Variants in IGFL1 observed in about 807,000 individuals in gnomAD.
The protein encoded by IGFL1 is IGF like family member 1.
A neutral mutation model predicts 16.0 loss-of-function variants in IGFL1; 16 were observed. The ratio of observed to expected loss-of-function variants is 1.00; its 90% CI spans 0.68 to 1.52. The LOEUF (loss-of-function observed/expected upper bound fraction) is 1.52. Ranked by LOEUF, IGFL1 falls within the 40% of genes most tolerant of loss-of-function variation. The pLI is 0.00. For missense variants in IGFL1, 149 were observed against 141.7 expected (o/e 1.05, Z -0.26); for synonymous variants, 59 against 54.0 (o/e 1.09, Z -0.41).
chr19:46,230,163 T>A lies in IGFL1; in HGVS notation c.79+2T>A, dbSNP rs1403845250. The A allele has an allele frequency of 3.7e-6, 6 of 1,613,900 alleles. No individual in the cohort carries two copies. Among genetic ancestry groups the A allele is most frequent in the Middle Eastern group, 1.7e-4 (1 of 6,050 alleles). ...TCCTCTGCTCACACGGAGCCCCAGG[T>A]GAGCCCAGGAGTGTTTGGGAAGCTG... On this transcript the variant is annotated splice_donor_variant, in intron 2 of 3. Coordinates refer to ENST00000437936, the MANE Select transcript of IGFL1 (RefSeq NM_198541.2). LOFTEE classifies it high-confidence loss of function.
rs781191711 is a variant in IGFL1, at chr19:46,230,167, C to T, written c.79+6C>T. The T allele has an allele frequency of 2.5e-6, 4 of 1,613,944 alleles. No individual in the cohort carries two copies. The South Asian group carries it at 4.4e-5, about 18-fold the overall frequency. ...CTGCTCACACGGAGCCCCAGGTGAG[C>T]CCAGGAGTGTTTGGGAAGCTGGAGG... On this transcript the variant is annotated splice_donor_region_variant and intron_variant, in intron 2 of 3. Transcript: ENST00000437936.
rs201091324 is a variant in IGFL1, at chr19:46,230,490, G to A, written c.296G>A (p.Arg99Gln). ...KLINQNCDSA[R>Q]TSDDRLCRSV... Reference sequence around the variant, plus strand: ...ATAAACCAGAACTGCGACTCAGCCCGGACCTCGGATGACAGGCTTTGTCGC... The same window carrying A: ...ATAAACCAGAACTGCGACTCAGCCCAGACCTCGGATGACAGGCTTTGTCGC... Residue 99 changes from arginine to glutamine, a missense_variant, in exon 3 of 4, where the codon CGG becomes CAG. Transcript: ENST00000437936. 5.3e-5 allele frequency: 85 copies of A among 1,613,824 alleles called. No individual in the cohort carries two copies. The highest frequency in any genetic ancestry group is 2.5e-4 in the African/African-American group (19 of 74,910).
chr19:46,230,807 G>A lies in IGFL1; in HGVS notation c.324-14G>A. 6.2e-7 allele frequency: 1 copy of A among 1,611,760 alleles called. No homozygotes were observed. The highest frequency in any genetic ancestry group is 1.7e-5 in the Admixed American group (1 of 59,770). On this transcript the variant is annotated splice_polypyrimidine_tract_variant and intron_variant, in intron 3 of 3. Transcript: ENST00000437936. ...TCTGTCCCGCTCAGTGTCTCTCTCT[G>A]TCACTATCTCCAGTGTCAGCTAATG...
At position 46,230,951 on chromosome 19, in the gene IGFL1, A is replaced by G. The variant is rs983477445; in HGVS notation, c.*121A>G. On this transcript the variant is annotated 3_prime_UTR_variant, in exon 4 of 4. Transcript: ENST00000437936. ...CTGTTTGGGGGCCAGAGAAACACAC[A>G]CTCAACTGCCCACTTCATTCTGTGA... The G allele has an allele frequency of 2.0e-6, 2 of 981,490 alleles. No individual in the cohort carries two copies. The highest frequency in any genetic ancestry group is 1.6e-6 in the Non-Finnish European group (1 of 628,246). 60.8% of individuals were successfully genotyped at this position (981,490 alleles called of 1,614,324 possible). A position where few individuals can be genotyped will look rare whatever the true frequency, so the allele number is the denominator to read the frequency against.
At chr19:46,229,841 A>G (rs779474647) in intron 1 of IGFL1, 42 bp downstream of exon 1, 5 of 1,586,658 alleles carry the variant, frequency 3.2e-6, no homozygotes, top group Non-Finnish European at 4.3e-6. Context: ...GCCCATCTCC[A>G]ATCTCAGCCA....
chr19:46,229,818 C>A lies in IGFL1; in HGVS notation c.25+19C>A. On this transcript the variant is annotated intron_variant, in intron 1 of 3. Transcript: ENST00000437936. ...ATCGTAGGTAAGGAGGACAGGACCC[C>A]ATTCCCACCTGAGCCCATCTCCAAT... 6.2e-7 allele frequency: 1 copy of A among 1,603,872 alleles called. No homozygotes were observed. Among genetic ancestry groups the A allele is most frequent in the East Asian group, 2.3e-5 (1 of 44,342 alleles).
At chr19:46,229,889 T>C in intron 1 of IGFL1, 90 bp downstream of exon 1, 1 of 1,438,718 alleles carries the variant, frequency 7.0e-7, no homozygotes, top group Non-Finnish European at 9.6e-7. Context: ...CTACACCTCA[T>C]CCCTGTTCCC....
intron 1 of IGFL1, 129 bp from the exon 2 acceptor site, chr19:46,229,979 C>A (rs948234951): frequency 2.4e-6 from 3 of 1,264,574 alleles, no homozygotes; most frequent in Non-Finnish European, 3.4e-6. Context: ...CATCCACAGC[C>A]CTGTTTCAGT....
Position 46,230,913 on chromosome 19 carries a change from G to T in IGFL1, c.*83G>T. On this transcript the variant is annotated 3_prime_UTR_variant, in exon 4 of 4. Transcript: ENST00000437936. ...AGAGGCTGGTGTTACCTGAGATCTG[G>T]GATGCTGAGTGGCTGTTTGGGGGCC... The T allele has an allele frequency of 7.2e-7, 1 of 1,392,732 alleles. No homozygotes were observed. The highest frequency in any genetic ancestry group is 2.4e-5 in the East Asian group (1 of 41,792). 86.3% of individuals were successfully genotyped at this position (1,392,732 alleles called of 1,614,324 possible).
rs762870316 is a variant in IGFL1, at chr19:46,230,082, C to T, written c.26-26C>T. The T allele has an allele frequency of 1.9e-6, 3 of 1,611,404 alleles. No individual in the cohort carries two copies. In the African/African-American group the frequency reaches 4.0e-5, roughly 22 times the overall value. The stretch of plus-strand genomic sequence containing the variant: ...TCATATCTGTGGCTGTCCACTCACC[C>T]CATCTTCCCTTTCCCTTTCCCACAG... On this transcript the variant is annotated intron_variant, in intron 1 of 3. Coordinates refer to ENST00000437936, the MANE Select transcript of IGFL1 (RefSeq NM_198541.2).
rs553843610 is a variant in IGFL1, at chr19:46,230,535, C to A, written c.323+18C>A. On this transcript the variant is annotated intron_variant, in intron 3 of 3. Transcript: ENST00000437936. ...TGTCGCAGGTGAGTCCTGTCCCCTC[C>A]GTGGGATTGTGGGTGCAGGGTAGCT... 6.2e-7 allele frequency: 1 copy of A among 1,612,014 alleles called. No individual in the cohort carries two copies. The highest frequency in any genetic ancestry group is 8.5e-7 in the Non-Finnish European group (1 of 1,178,924).
chr19:46,230,466 T>A lies in IGFL1; in HGVS notation c.272T>A (p.Ile91Lys). The change falls in exon 3 of 4, where the codon ATA (isoleucine) becomes AAA (lysine). Residue 91 changes from isoleucine to lysine, a missense_variant. By Grantham distance (102) the Ile-to-Lys change is moderately radical. Transcript: ENST00000437936. ...CCCTGGACCTTCATGGTGAAGCTGA[T>A]AAACCAGAACTGCGACTCAGCCCGG... ...CCPWTFMVKL[I>K]NQNCDSARTS... The A allele has an allele frequency of 6.2e-7, 1 of 1,614,022 alleles. No homozygotes were observed. Among genetic ancestry groups the A allele is most frequent in the South Asian group, 1.1e-5 (1 of 91,082 alleles).
rs376804358 is a variant in IGFL1 at position 46,230,397 on chromosome 19, C to T, written c.203C>T (p.Thr68Met). The change falls in exon 3 of 4, where the codon ACG (threonine) becomes ATG (methionine). Residue 68 changes from threonine to methionine, a missense_variant. Coordinates refer to ENST00000437936, the MANE Select transcript of IGFL1 (RefSeq NM_198541.2). ...DAVVPLARTQ[T>M]CGNCTFRVCF... is the part of the protein sequence containing the mutation. ...GTCGTGCCCTTGGCCAGGACCCAGA[C>T]GTGTGGAAACTGCACCTTCAGAGTC... 2.5e-5 allele frequency: 41 copies of T among 1,613,940 alleles called. No individual in the cohort carries two copies. The highest frequency in any genetic ancestry group is 9.3e-5 in the African/African-American group (7 of 74,936).
intron 1 of IGFL1, 61 bp downstream of exon 1, chr19:46,229,860 G>T: frequency 1.3e-6 from 2 of 1,550,196 alleles, no homozygotes; most frequent in South Asian, 1.2e-5. Context: ...CACCACCAGG[G>T]CTCTCTCCCT....
chr19:46,229,744 C>T lies in IGFL1; in HGVS notation c.-31C>T. The T allele has an allele frequency of 1.9e-6, 3 of 1,591,426 alleles. No homozygotes were observed. The highest frequency in any genetic ancestry group is 1.7e-6 in the Non-Finnish European group (2 of 1,169,216). Reference sequence around the variant, plus strand: ...AGGAGTGGCTGAGATCTGCTGATCCCCTCCTCACTCCACTGCAACCACCCA... The same window carrying T: ...AGGAGTGGCTGAGATCTGCTGATCCTCTCCTCACTCCACTGCAACCACCCA... On this transcript the variant is annotated 5_prime_UTR_variant, in exon 1 of 4. Coordinates refer to ENST00000437936, the MANE Select transcript of IGFL1 (RefSeq NM_198541.2).
chr19:46,230,605 C>T, intron 3 of IGFL1, 88 bp downstream of exon 3: 1 of 1,560,824 alleles, frequency 6.4e-7, no homozygotes, highest in Non-Finnish European at 8.7e-7. Flanking sequence ...CTCCTTGTCT[C>T]CCTGTCTCTG....
In IGFL1 at chr19:46,230,853, C is replaced by T. The variant is rs1182878754; in HGVS notation, c.*23C>T. 1.2e-6 allele frequency: 2 copies of T among 1,604,334 alleles called. No individual in the cohort carries two copies. Among genetic ancestry groups the T allele is most frequent in the Non-Finnish European group, 1.7e-6 (2 of 1,174,384 alleles). On this transcript the variant is annotated 3_prime_UTR_variant, in exon 4 of 4. Transcript: ENST00000437936. The stretch of plus-strand genomic sequence containing the variant: ...TAATGGAACATCAGGGGAACGATGA[C>T]TCCTGGATTCTCCTTCCTGGGTGGG...
chr19:46,230,177 T>C lies in IGFL1; in HGVS notation c.79+16T>C. On this transcript the variant is annotated intron_variant, in intron 2 of 3. Coordinates refer to ENST00000437936, the MANE Select transcript of IGFL1 (RefSeq NM_198541.2). ...GGAGCCCCAGGTGAGCCCAGGAGTG[T>C]TTGGGAAGCTGGAGGAGGGGTACAC... The C allele has an allele frequency of 6.2e-7, 1 of 1,613,884 alleles. No individual in the cohort carries two copies. Among genetic ancestry groups the C allele is most frequent in the Non-Finnish European group, 8.5e-7 (1 of 1,179,844 alleles).
In IGFL1 at chr19:46,230,308, G is replaced by A; in HGVS notation, c.114G>A (p.Gln38=). ...APMTPYLMLC[Q]PHKRCGDKFY... is the part of the protein sequence containing the mutation. ...TGACTCCTTACCTGATGCTGTGCCA[G>A]CCACACAAGAGATGTGGGGACAAGT... Residue 38 remains glutamine (Q), a synonymous_variant, in exon 3 of 4, where the codon CAG becomes CAA. Transcript: ENST00000437936. 3.1e-6 allele frequency: 5 copies of A among 1,613,970 alleles called. No individual in the cohort carries two copies. The South Asian group carries it at 4.4e-5, about 14-fold the overall frequency.
Sources: gnomAD v4.1 joint callset for allele counts on GRCh38, gnomAD v4.1.1 for gene constraint, MANE v1.5 for transcripts, NCBI Gene and HGNC (gene_info 2026-07-23, HGNC 2026-07-21) for gene names.